Variants in PARD3 observed in about 807,000 individuals in gnomAD.
PARD3 encodes the protein partitioning defective 3 homolog.
A neutral mutation model predicts 155.4 loss-of-function variants in PARD3; 75 were observed. The ratio of observed to expected loss-of-function variants is 0.48; its 90% CI spans 0.40 to 0.58. The LOEUF is 0.58. Among genes scored for constraint, PARD3 ranks in the 20% least tolerant of loss-of-function variants. PARD3 has a pLI of 0.00. For missense variants in PARD3, 1,642 were observed against 1,721.7 expected (o/e 0.95, Z 0.82); for synonymous variants, 576 against 610.5 (o/e 0.94, Z 0.83).
intron 2 of PARD3, among the ~76,000 whole-genome samples, chr10:34,579,554 CTGTGTGTGTGTGTGTGTG>C (rs554959827): frequency 6.5e-5 from 8 of 122,570 alleles, no homozygotes; most frequent in African/African-American, 1.7e-4. Flanking sequence ...ACCATTTTCT[CTGTGTGTGTGTGTGTGTG>C]TGTGTGTGTG....
At chr10:34,268,617 T>C (rs949246129) in intron 22 of PARD3, among the ~76,000 whole-genome samples, 3 of 152,138 alleles carry the variant, frequency 2.0e-5, no homozygotes, top group African/African-American at 2.4e-5. Context: ...GATGAGTTCA[T>C]GTCCTTTGTA....
chr10:34,550,050 G>A (rs1041319436), intron 2 of PARD3, among the ~76,000 whole-genome samples: 3 of 152,066 alleles, frequency 2.0e-5, no homozygotes, highest in African/African-American at 7.2e-5. Context: ...GGCCGACTAC[G>A]TTAAAAGAAA....
rs775345554 is a variant in PARD3, at chr10:34,450,334, G to T, written c.697C>A (p.Leu233Met). The T allele has an allele frequency of 1.9e-6, 3 of 1,613,526 alleles. No homozygotes were observed. Among genetic ancestry groups the T allele is most frequent in the Non-Finnish European group, 2.5e-6 (3 of 1,179,788 alleles). Residue 233 changes from leucine to methionine, a missense_variant, in exon 5 of 25, where the codon CTG becomes ATG. Around this residue, in one of 3 missense-constraint regions of PARD3, gnomAD observed 1,529 missense variants for 1,587.3 expected, o/e 0.96. Coordinates refer to ENST00000374788, the MANE Select transcript of PARD3 (RefSeq NM_001184785.2). ...CATGTTACCTGTTCTTGTTTCTCCA[G>T]CCACTTGCCCACCATTGGGTGACTG... is the stretch of plus-strand genomic sequence containing the variant. ...SASHPMVGKW[L>M]EKQEQDEDGT...
chr10:34,315,223 T>A (rs1421362036), intron 20 of PARD3, among the ~76,000 whole-genome samples: 1 of 152,148 alleles, frequency 6.6e-6, no homozygotes, highest in African/African-American at 2.4e-5. Context: ...AAAAGAGAGT[T>A]GTGTGGTGGT....
At chr10:34,588,472 C>T (rs969123430) in intron 2 of PARD3, among the ~76,000 whole-genome samples, 5 of 152,178 alleles carry the variant, frequency 3.3e-5, no homozygotes, top group East Asian at 1.9e-4. Context: ...CTACCTATCA[C>T]GTTTAATCAC....
intron 1 of PARD3, among the ~76,000 whole-genome samples, chr10:34,748,373 G>A (rs537451091): frequency 1.2e-4 from 19 of 152,298 alleles, no homozygotes; most frequent in Admixed American, 5.9e-4. Flanking sequence ...GGGAGGCTGA[G>A]GCACAAGAAT....
chr10:34,716,728 G>C (rs1275499321), intron 1 of PARD3, among the ~76,000 whole-genome samples: 1 of 151,596 alleles, frequency 6.6e-6, no homozygotes, highest in Non-Finnish European at 1.5e-5. Context: ...GAGTAGCTGG[G>C]ATTACAGGCA....
rs5784409 is a variant in PARD3 at position 34,303,162 on chromosome 10, A to ATTTTT, written c.3065+13940_3065+13944dup. On this transcript the variant is annotated intron_variant, in intron 20 of 24. Coordinates refer to ENST00000374788, the MANE Select transcript of PARD3 (RefSeq NM_001184785.2). ...AGAATTTATTTTACTGCCCAGGTGA[A>ATTTTT]TTTTTTTTTTTTTTTTTTTTGTGCA... 2.1e-4 allele frequency among the ~76,000 whole-genome samples: 28 copies of ATTTTT among 131,972 alleles called. 2 individuals are homozygous for ATTTTT. The highest frequency in any genetic ancestry group is 7.2e-4 in the African/African-American group (24 of 33,530). The allele number at this position is 131,972 out of a possible 152,430, so 86.6% of individuals were successfully genotyped here. A position where few individuals can be genotyped will look rare whatever the true frequency, so the allele number is the denominator to read the frequency against.
chr10:34,742,842 A>C (rs2095043206), intron 1 of PARD3, among the ~76,000 whole-genome samples: 1 of 152,220 alleles, frequency 6.6e-6, no homozygotes, highest in Non-Finnish European at 1.5e-5. Context: ...AGAATCTACA[A>C]TCACCAACAA....
chr10:34,327,552 A>G (rs140353387), intron 19 of PARD3, among the ~76,000 whole-genome samples: 52 of 152,304 alleles, frequency 3.4e-4, no homozygotes, highest in East Asian at 1.9e-4. Context: ...GCCTACGCCT[A>G]TGTGTCTTAC....
chr10:34,367,654 G>C (rs895842638), intron 12 of PARD3, among the ~76,000 whole-genome samples: 3 of 152,150 alleles, frequency 2.0e-5, no homozygotes, highest in African/African-American at 7.2e-5. Flanking sequence ...AGTGAGCCGA[G>C]ATCGAGCCAC....
chr10:34,326,233 G>T (rs1434097186), intron 19 of PARD3, among the ~76,000 whole-genome samples: 3 of 151,036 alleles, frequency 2.0e-5, no homozygotes, highest in Non-Finnish European at 4.4e-5. Context: ...CCTAGAAAAA[G>T]AAATGCAGAG....
At chr10:34,496,242 C>T (rs867618813) in intron 3 of PARD3, among the ~76,000 whole-genome samples, 18 of 150,884 alleles carry the variant, frequency 1.2e-4, no homozygotes, top group Middle Eastern at 3.5e-3. Flanking sequence ...GAAACAAAAA[C>T]AAAACTGATA....
intron 16 of PARD3, 55 bp downstream of exon 16, chr10:34,341,572 C>T: frequency 7.0e-7 from 1 of 1,432,826 alleles, no homozygotes; most frequent in Non-Finnish European, 9.5e-7. Flanking sequence ...GCCACTTAAA[C>T]ATAAAATGGG....
chr10:34,596,658 G>C (rs1292437365), intron 2 of PARD3, among the ~76,000 whole-genome samples: 1 of 152,112 alleles, frequency 6.6e-6, no homozygotes, highest in Non-Finnish European at 1.5e-5. Flanking sequence ...TTCAACTCAA[G>C]ATGAGATATG....
intron 2 of PARD3, among the ~76,000 whole-genome samples, chr10:34,569,019 G>A (rs915923462): frequency 1.3e-5 from 2 of 152,168 alleles, no homozygotes; most frequent in African/African-American, 4.8e-5. Context: ...TCCTGTTCAT[G>A]CTAAGTAAAA....
chr10:34,610,602 C>T (rs1435744253), intron 2 of PARD3, among the ~76,000 whole-genome samples: 4 of 152,128 alleles, frequency 2.6e-5, no homozygotes, highest in African/African-American at 7.2e-5. Context: ...CCAGTATGAT[C>T]GTGGGTGAAA....
chr10:34,702,708 G>A (rs906883516), intron 1 of PARD3, among the ~76,000 whole-genome samples: 1 of 152,146 alleles, frequency 6.6e-6, no homozygotes, highest in Non-Finnish European at 1.5e-5. Flanking sequence ...CTTTCCCTGG[G>A]CCTCTATCCA....
At chr10:34,530,343 A>G (rs949772628) in intron 2 of PARD3, among the ~76,000 whole-genome samples, 1 of 152,230 alleles carries the variant, frequency 6.6e-6, no homozygotes, top group Admixed American at 6.5e-5. Flanking sequence ...ATATTATAAA[A>G]GAAGTCAAAA....
Sources: gnomAD v4.1 joint callset for allele counts (sites outside exome capture counted in the v4.1 genomes callset) on GRCh38, gnomAD v4.1.1 for gene constraint, gnomAD v4.1.1 regional missense constraint, MANE v1.5 for transcripts, NCBI Gene and HGNC (gene_info 2026-07-23, HGNC 2026-07-21) for gene names.